Variants in SGPP1 observed in about 807,000 individuals in gnomAD.
SGPP1 encodes hSPP1.
In SGPP1, 21 loss-of-function variants were observed where a neutral mutation model predicts 33.0. The observed-to-expected ratio is 0.64, with a 90% CI of 0.45 to 0.92. SGPP1 has a LOEUF of 0.92. Among genes scored for constraint, SGPP1 ranks in the 40% least tolerant of loss-of-function variants. SGPP1 has a pLI of 0.00. For missense variants in SGPP1, 543 were observed against 589.4 expected, an observed-to-expected ratio of 0.92 and a Z score of 0.81; for synonymous variants, 239 against 241.2, an observed-to-expected ratio of 0.99 and a Z score of 0.08.
chr14:63,690,923 C>A (rs963883716), intron 2 of SGPP1, among the ~76,000 whole-genome samples: 1 of 152,152 alleles, frequency 6.6e-6, no homozygotes, highest in African/African-American at 2.4e-5. Context: ...CCATGTTGGG[C>A]AGGCTGGTCT....
chr14:63,723,495 T>C (rs1256421954), intron 1 of SGPP1, among the ~76,000 whole-genome samples: 6 of 151,334 alleles, frequency 4.0e-5, no homozygotes, highest in Non-Finnish European at 8.8e-5. Context: ...CTGAGGGGAG[T>C]GGATCACGAG....
chr14:63,698,527 G>T, intron 2 of SGPP1, 42 bp downstream of exon 2: 1 of 1,118,432 alleles, frequency 8.9e-7, no homozygotes, highest in Non-Finnish European at 1.3e-6. Context: ...TCCTGTCAAT[G>T]TCATAAAAAA....
intron 2 of SGPP1, among the ~76,000 whole-genome samples, chr14:63,688,400 GAAGA>G (rs1354703748): frequency 2.3e-4 from 35 of 150,158 alleles, no homozygotes; most frequent in African/African-American, 4.9e-4. Context: ...GAAACAGCAA[GAAGA>G]AAGAGAGGAA....
chr14:63,719,994 T>C (rs989335072), intron 1 of SGPP1, among the ~76,000 whole-genome samples: 12 of 149,184 alleles, frequency 8.0e-5, no homozygotes, highest in Non-Finnish European at 1.8e-4. Context: ...GACATGGTGG[T>C]AGGTGCCGGT....
chr14:63,710,510 C>A (rs192540269), intron 1 of SGPP1, among the ~76,000 whole-genome samples: 1 of 152,148 alleles, frequency 6.6e-6, no homozygotes, highest in Non-Finnish European at 1.5e-5. Context: ...AAAGGAGATG[C>A]ATTAAAAGGA....
chr14:63,690,890 T>C (rs1425975341), intron 2 of SGPP1, among the ~76,000 whole-genome samples: 1 of 151,984 alleles, frequency 6.6e-6, no homozygotes, highest in Non-Finnish European at 1.5e-5. Flanking sequence ...AATTTTTGTA[T>C]TTTTAGTACA....
intron 2 of SGPP1, among the ~76,000 whole-genome samples, chr14:63,695,142 C>T (rs1000542715): frequency 9.9e-5 from 15 of 152,078 alleles, no homozygotes; most frequent in African/African-American, 9.7e-5. Flanking sequence ...CTGCAAGCTC[C>T]GCCTCCCGGG....
intron 1 of SGPP1, among the ~76,000 whole-genome samples, chr14:63,700,314 A>G (rs1187481711): frequency 6.6e-6 from 1 of 152,124 alleles, no homozygotes; most frequent in Non-Finnish European, 1.5e-5. Flanking sequence ...TGAGGTCCCT[A>G]TGGCAGTAAA....
rs145049523 is a variant in SGPP1, at chr14:63,719,306, C to G, written c.684+7955G>C. On this transcript the variant is annotated intron_variant, in intron 1 of 2. Coordinates refer to ENST00000247225, the MANE Select transcript of SGPP1 (RefSeq NM_030791.4). ...AGGTGTGAGCCACCACGCCTGGCCA[C>G]ATAAAAATTATTTTTTTTTAATTTA... 9.5e-3 allele frequency among the ~76,000 whole-genome samples: 1,434 copies of G among 151,026 alleles called. 7 individuals carry two copies. Among genetic ancestry groups the G allele is most frequent in the Non-Finnish European group, 0.015 (1,015 of 67,828 alleles).
intron 1 of SGPP1, among the ~76,000 whole-genome samples, chr14:63,713,677 G>C (rs1885567173): frequency 6.6e-6 from 1 of 152,228 alleles, no homozygotes; most frequent in Admixed American, 6.5e-5. Context: ...ATTTTTGGTT[G>C]TATGTGGGAT....
At chr14:63,697,796 G>A (rs537190881) in intron 2 of SGPP1, among the ~76,000 whole-genome samples, 31 of 152,340 alleles carry the variant, frequency 2.0e-4, no homozygotes, top group African/African-American at 7.5e-4. Context: ...CATTTGTAAA[G>A]TTATGGAGGT....
At chr14:63,698,699 GT>G in intron 1 of SGPP1, 41 bp from the exon 2 acceptor site, 1 of 1,113,794 alleles carries the variant, frequency 9.0e-7, no homozygotes, top group Non-Finnish European at 1.3e-6. Context: ...ACAAATTTAA[GT>G]TAGATATAAA....
intron 2 of SGPP1, among the ~76,000 whole-genome samples, chr14:63,691,525 G>C (rs1358635439): frequency 1.3e-5 from 2 of 151,880 alleles, no homozygotes; most frequent in African/African-American, 2.4e-5. Flanking sequence ...TCTCTTCTTT[G>C]ATTCCACTGC....
chr14:63,715,225 G>C (rs556755034), intron 1 of SGPP1, among the ~76,000 whole-genome samples: 3 of 150,984 alleles, frequency 2.0e-5, no homozygotes, highest in East Asian at 3.9e-4. Flanking sequence ...ACGTTGGCCA[G>C]GCTGGTCTCG....
chr14:63,686,685 A>G (rs1314763456), intron 2 of SGPP1, 29 bp from the exon 3 acceptor site: 8 of 1,428,274 alleles, frequency 5.6e-6, no homozygotes, highest in African/African-American at 1.4e-5. Flanking sequence ...ATCGTTGTTT[A>G]GTATAATACT....
At chr14:63,707,841 A>T (rs1566822177) in intron 1 of SGPP1, among the ~76,000 whole-genome samples, 1 of 150,178 alleles carries the variant, frequency 6.7e-6, no homozygotes, top group African/African-American at 2.4e-5. Context: ...TTCTGTGCAG[A>T]TTTTTTTTTT....
At chr14:63,689,516 C>T (rs553003089) in intron 2 of SGPP1, among the ~76,000 whole-genome samples, 5 of 151,972 alleles carry the variant, frequency 3.3e-5, no homozygotes, top group African/African-American at 1.2e-4. Flanking sequence ...TCTAGTTTGG[C>T]CCGGGGGTGG....
intron 1 of SGPP1, among the ~76,000 whole-genome samples, chr14:63,705,630 T>C (rs985453722): frequency 2.6e-5 from 4 of 152,030 alleles, no homozygotes; most frequent in African/African-American, 9.7e-5. Flanking sequence ...ATCATGCCAT[T>C]GCGTTCTAGC....
chr14:63,699,292 G>GTA (rs758697801), intron 1 of SGPP1, among the ~76,000 whole-genome samples: 1 of 152,166 alleles, frequency 6.6e-6, no homozygotes, highest in Admixed American at 6.5e-5. Context: ...ACAATTCTTG[G>GTA]TATCAATGGC....
Sources: gnomAD v4.1 joint callset for allele counts (sites outside exome capture counted in the v4.1 genomes callset) on GRCh38, gnomAD v4.1.1 for gene constraint, MANE v1.5 for transcripts, NCBI Gene and HGNC (gene_info 2026-07-23, HGNC 2026-07-21) for gene names.